YTHDF3: variants seen among roughly 807,000 people sequenced by gnomAD.
The protein encoded by YTHDF3 is YTH N6-methyladenosine RNA binding protein F3.
In YTHDF3, 9 loss-of-function variants were observed where a neutral mutation model predicts 52.5. The ratio of observed to expected loss-of-function variants is 0.17; its 90% confidence interval spans 0.10 to 0.30. The LOEUF (loss-of-function observed/expected upper bound fraction) is 0.30. YTHDF3 is among the 10% of genes least tolerant of loss of function. The pLI, the probability that YTHDF3 is intolerant of heterozygous loss-of-function variation, is 1.00. For synonymous variants in YTHDF3, 274 were observed against 243.3 expected (o/e 1.13, Z -1.18); for missense variants, 534 against 715.0 (o/e 0.75, Z 2.89).
chr8:63,187,607 A>G lies in YTHDF3; in HGVS notation c.1596A>G (p.Ser532=), dbSNP rs533736482. Residue 532 remains serine, a synonymous_variant, in exon 4 of 5, where the codon TCA becomes TCG. Transcript: ENST00000539294. The part of the protein sequence containing the change: ...ENNDNKPVTN[S]RDTQEVPLEK... ...ATGACAACAAACCGGTTACCAATTCAAGGGACACTCAAGAGGTACCCCTAG... is the reference window on the plus strand; with the variant it reads ...ATGACAACAAACCGGTTACCAATTCGAGGGACACTCAAGAGGTACCCCTAG... 1.2e-6 allele frequency: 2 copies of G among 1,613,118 alleles called. No homozygotes were observed. The highest frequency in any genetic ancestry group is 1.7e-6 in the Non-Finnish European group (2 of 1,179,408).
At chr8:63,199,621 C>T (rs1809469046) in intron 4 of YTHDF3, among the ~76,000 whole-genome samples, 1 of 152,126 alleles carries the variant, frequency 6.6e-6, no homozygotes, top group African/African-American at 2.4e-5. Flanking sequence ...TTAAATGTGA[C>T]ATTCAGTTTC....
At chr8:63,206,529 C>G (rs1810041381) in intron 4 of YTHDF3, among the ~76,000 whole-genome samples, 1 of 152,138 alleles carries the variant, frequency 6.6e-6, no homozygotes, top group African/African-American at 2.4e-5. Flanking sequence ...GTTGGCTTTG[C>G]TTTCAAATAT....
intron 2 of YTHDF3, chr8:63,173,564 T>G: frequency 2.8e-6 from 2 of 701,826 alleles, no homozygotes; most frequent in Non-Finnish European, 3.5e-6. Context: ...GTTAGCTGTT[T>G]CAAATACTGA....
At chr8:63,206,998 T>A (rs1810076917) in intron 4 of YTHDF3, among the ~76,000 whole-genome samples, 1 of 152,204 alleles carries the variant, frequency 6.6e-6, no homozygotes, top group Non-Finnish European at 1.5e-5. Flanking sequence ...TTGTAATTAT[T>A]TGTCTCAGTT....
intron 4 of YTHDF3, 97 bp downstream of exon 4, chr8:63,187,842 C>T: frequency 7.5e-7 from 1 of 1,335,438 alleles, no homozygotes; most frequent in South Asian, 1.6e-5. Context: ...GTGAAGGAAA[C>T]CAACTACTTA....
At chr8:63,194,025 G>GTT (rs34053682) in intron 4 of YTHDF3, among the ~76,000 whole-genome samples, 7 of 143,558 alleles carry the variant, frequency 4.9e-5, no homozygotes, top group Non-Finnish European at 3.1e-5. Context: ...GCAATCAATA[G>GTT]TTTTTTTTTT....
intron 4 of YTHDF3, among the ~76,000 whole-genome samples, chr8:63,202,921 C>T (rs1046990622): frequency 2.0e-5 from 3 of 152,018 alleles, no homozygotes; most frequent in Admixed American, 6.6e-5. Context: ...AACACGCACA[C>T]GGTGTTTTTT....
At chr8:63,169,162 T>A (rs1807101718) in intron 1 of YTHDF3, 2 of 1,409,996 alleles carry the variant, frequency 1.4e-6, no homozygotes, top group African/African-American at 2.9e-5. Context: ...GCGGCAGACA[T>A]GGGGCGGAGA....
intron 4 of YTHDF3, among the ~76,000 whole-genome samples, chr8:63,207,872 T>C (rs955387407): frequency 6.6e-6 from 1 of 152,214 alleles, no homozygotes; most frequent in African/African-American, 2.4e-5. Flanking sequence ...ATTTTGTATC[T>C]AGCTTATTAG....
At chr8:63,169,286 A>G (rs1585731894) in intron 1 of YTHDF3, 101 bp from the exon 2 acceptor site, 2 of 1,454,226 alleles carry the variant, frequency 1.4e-6, no homozygotes, top group Non-Finnish European at 1.9e-6. Flanking sequence ...TCCTACGCGG[A>G]TAGTCTAAAA....
Position 63,187,175 on chromosome 8 carries a change from T to A in YTHDF3, c.1164T>A (p.Ser388Arg). The change falls in exon 4 of 5, where the codon AGT (serine) becomes AGA (arginine). Residue 388 changes from serine to arginine, a missense_variant. Ser to Arg is a moderately radical substitution (Grantham distance 110). This residue lies in a region of YTHDF3 where 203 missense variants were observed against 201.3 expected (regional missense o/e 1.01). Transcript: ENST00000539294. ...GVVPVSASPSSVEVHPVLEKL... is the reference protein window; with the variant it reads ...GVVPVSASPSRVEVHPVLEKL... Reference sequence around the variant, plus strand: ...TACCTGTCAGTGCTTCACCTTCTAGTGTAGAAGTGCATCCCGTGCTGGAAA... The same window carrying A: ...TACCTGTCAGTGCTTCACCTTCTAGAGTAGAAGTGCATCCCGTGCTGGAAA... The A allele has an allele frequency of 6.2e-7, 1 of 1,613,990 alleles. No homozygotes were observed. The highest frequency in any genetic ancestry group is 1.1e-5 in the South Asian group (1 of 91,084).
chr8:63,177,777 A>G (rs1331039121), intron 3 of YTHDF3, among the ~76,000 whole-genome samples: 1 of 145,960 alleles, frequency 6.9e-6, no homozygotes, highest in Non-Finnish European at 1.5e-5. Context: ...TTTTTTTTTG[A>G]AACGGAGTCT....
chr8:63,179,568 A>G (rs2130023448), intron 3 of YTHDF3, among the ~76,000 whole-genome samples: 1 of 152,270 alleles, frequency 6.6e-6, no homozygotes, highest in Non-Finnish European at 1.5e-5. Context: ...CCCAAGGCAG[A>G]AGAATTTTTC....
At chr8:63,183,442 G>T (rs553443513) in intron 3 of YTHDF3, among the ~76,000 whole-genome samples, 1 of 152,078 alleles carries the variant, frequency 6.6e-6, no homozygotes, top group Admixed American at 6.5e-5. Context: ...GTTTGTCTTC[G>T]TAGCTTCCAA....
chr8:63,169,703 T>C (rs113200296), intron 2 of YTHDF3, among the ~76,000 whole-genome samples: 185 of 152,362 alleles, frequency 1.2e-3, no homozygotes, highest in African/African-American at 4.2e-3. Flanking sequence ...TTCTGTGTTA[T>C]GTAACTTATG....
At chr8:63,198,340 C>T (rs1457940913) in intron 4 of YTHDF3, among the ~76,000 whole-genome samples, 1 of 152,088 alleles carries the variant, frequency 6.6e-6, no homozygotes, top group African/African-American at 2.4e-5. Flanking sequence ...AATCTGGGCT[C>T]ACTGCAGTCT....
intron 3 of YTHDF3, among the ~76,000 whole-genome samples, chr8:63,180,567 G>C (rs1281594281): frequency 3.9e-5 from 6 of 152,270 alleles, no homozygotes; most frequent in Middle Eastern, 3.4e-3. Context: ...CTTCCCAGAC[G>C]GGGTGGCGGC....
chr8:63,182,848 T>G (rs7015644), intron 3 of YTHDF3, among the ~76,000 whole-genome samples: 35,091 of 151,622 alleles, frequency 0.23, 4,991 homozygotes, highest in South Asian at 0.35. Flanking sequence ...TATATCAATG[T>G]TTTTTTACAA....
chr8:63,205,019 T>A (rs1040192614), intron 4 of YTHDF3, among the ~76,000 whole-genome samples: 1 of 152,192 alleles, frequency 6.6e-6, no homozygotes, highest in Non-Finnish European at 1.5e-5. Context: ...CTTAGCTCAT[T>A]TGTTAACCTC....
Sources: gnomAD v4.1 joint callset for allele counts (sites outside exome capture counted in the v4.1 genomes callset) on GRCh38, gnomAD v4.1.1 for gene constraint, gnomAD v4.1.1 regional missense constraint, MANE v1.5 for transcripts, NCBI Gene and HGNC (gene_info 2026-07-23, HGNC 2026-07-21) for gene names.